The following TNRC18 variants were observed in gnomAD, a reference collection of about 807,000 sequenced individuals.
The protein encoded by TNRC18 is trinucleotide repeat-containing gene 18 protein.
TNRC18 carries 69 observed loss-of-function variants against 226.7 expected under a neutral mutation model. The observed-to-expected ratio is 0.30, with a 90% CI of 0.25 to 0.37. The LOEUF (loss-of-function observed/expected upper bound fraction) is 0.37. Among genes scored for constraint, TNRC18 ranks in the 10% least tolerant of loss-of-function variants. TNRC18 has a pLI of 1.00. For synonymous variants in TNRC18, 2,449 were observed against 1,927.6 expected (o/e 1.27, Z -7.09); for missense variants, 4,754 against 4,256.6 (o/e 1.12, Z -3.25).
intron 18 of TNRC18, among the ~76,000 whole-genome samples, chr7:5,336,010 C>A (rs192187818): frequency 4.6e-5 from 7 of 151,832 alleles, no homozygotes; most frequent in South Asian, 2.1e-4. Flanking sequence ...AGTTTGAGAC[C>A]AGCCTGGCCA....
In TNRC18 at chr7:5,377,968, G is replaced by C. The variant is rs777433977; in HGVS notation, c.2209C>G (p.Arg737Gly). The C allele has an allele frequency of 8.7e-6, 14 of 1,613,206 alleles. No homozygotes were observed. The South Asian group carries it at 1.5e-4, about 18-fold the overall frequency. The change falls in exon 6 of 30, where the codon CGG (arginine) becomes GGG (glycine). Residue 737 changes from arginine to glycine, a missense_variant. Physicochemically the swap from Arg to Gly is moderately radical, Grantham distance 125. Transcript: ENST00000430969. This position sits in a 1 kb window ranked among gnomAD's most constrained non-coding sequence, Gnocchi z 5.8. ...VDDRARHREE[R>G]LLGARLDRDQ... The stretch of plus-strand genomic sequence containing the variant: ...CGGTCCAGCCGTGCCCCGAGCAGCC[G>C]TTCCTCCCGGTGTCTGGCCCGGTCG...
At chr7:5,397,488 G>C (rs968499453) in intron 2 of TNRC18, among the ~76,000 whole-genome samples, 1 of 152,150 alleles carries the variant, frequency 6.6e-6, no homozygotes, top group African/African-American at 2.4e-5. Flanking sequence ...GGGCAGCCGG[G>C]AACCCCCAGC....
chr7:5,418,642 G>A (rs747218631), intron 2 of TNRC18, among the ~76,000 whole-genome samples: 5 of 152,214 alleles, frequency 3.3e-5, no homozygotes, highest in Admixed American at 6.5e-5. Flanking sequence ...AGGACTTCCC[G>A]GTACAAAAAT....
chr7:5,398,449 C>T (rs1007463877), intron 2 of TNRC18, among the ~76,000 whole-genome samples: 2 of 152,156 alleles, frequency 1.3e-5, no homozygotes, highest in Non-Finnish European at 2.9e-5. Context: ...GGATTACAGG[C>T]GTGAGCCACC....
intron 27 of TNRC18, among the ~76,000 whole-genome samples, chr7:5,310,822 C>T (rs1454794705): frequency 6.6e-6 from 1 of 152,262 alleles, no homozygotes; most frequent in East Asian, 1.9e-4. Context: ...GGCTCCCTGC[C>T]AGCCTGTCTG....
In TNRC18 at chr7:5,389,114, C is replaced by A. The variant is rs552392887; in HGVS notation, c.710G>T (p.Gly237Val). Reference sequence around the variant, plus strand: ...CGCCTCCTGGGTCAGGTCCACCACGCCCCGTGGCCCCGAGGCCTCCTCGCC... The same window carrying A: ...CGCCTCCTGGGTCAGGTCCACCACGACCCGTGGCCCCGAGGCCTCCTCGCC... ...ARGEEASGPR[G>V]VVDLTQEARA... Residue 237 changes from glycine (G) to valine (V), a missense_variant, in exon 5 of 30, where the codon GGC (glycine) becomes GTC (valine). By Grantham distance (109) the Gly-to-Val change is moderately radical. Transcript: ENST00000430969. The A allele has an allele frequency of 2.1e-5, 28 of 1,316,938 alleles. No individual in the cohort carries two copies. In the Admixed American group the frequency reaches 5.8e-4, roughly 27 times the overall value. 81.6% of individuals were successfully genotyped at this position (1,316,938 alleles called of 1,614,324 possible).
At position 5,421,131 on chromosome 7, in the gene TNRC18, G is replaced by A; in HGVS notation, c.116C>T (p.Pro39Leu). The part of the protein sequence containing the change: ...RVGAATAGRL[P>L]ASGLPGPLPP... ...CAGCGGGCCGGGCAAGCCCGAGGCG[G>A]GCAAGCGTCCGGCAGTGGCCGCGCC... is the stretch of plus-strand genomic sequence containing the variant. Residue 39 changes from proline to leucine, a missense_variant, in exon 2 of 30, where the codon CCC (proline) becomes CTC (leucine). By Grantham distance (98) the Pro-to-Leu change is moderately conservative. Coordinates refer to ENST00000430969, the MANE Select transcript of TNRC18 (RefSeq NM_001080495.3). 2 of 1,453,804 alleles carry A rather than the reference G, an allele frequency of 1.4e-6. No individual in the cohort carries two copies. Among genetic ancestry groups the A allele is most frequent in the Non-Finnish European group, 1.8e-6 (2 of 1,097,044 alleles). The allele number at this position is 1,453,804 out of a possible 1,614,324, so 90.1% of individuals were successfully genotyped here.
At chr7:5,422,876 C>A (rs1210825309) in intron 1 of TNRC18, 1 of 152,246 alleles carries the variant, frequency 6.6e-6, no homozygotes, top group Non-Finnish European at 1.5e-5. Flanking sequence ...AGGCGATGAG[C>A]TTCCCGTGAT....
chr7:5,358,402 C>T (rs1162061282), intron 15 of TNRC18, among the ~76,000 whole-genome samples: 1 of 152,182 alleles, frequency 6.6e-6, no homozygotes, highest in African/African-American at 2.4e-5. Context: ...TCAATTAAAA[C>T]AAAAGCATCC....
chr7:5,329,148 C>G (rs1414854201), intron 19 of TNRC18, among the ~76,000 whole-genome samples: 1 of 151,062 alleles, frequency 6.6e-6, no homozygotes, highest in South Asian at 2.1e-4. Context: ...ACTAAAAATA[C>G]AAAAGTGAGC....
At chr7:5,325,286 C>T (rs1456110897) in intron 19 of TNRC18, 38 bp from the exon 20 acceptor site, 1 of 1,539,194 alleles carries the variant, frequency 6.5e-7, no homozygotes, top group Non-Finnish European at 8.7e-7. Context: ...CATCAAACGG[C>T]AGGGAAAGCA....
At chr7:5,316,209 G>A (rs1438773996) in intron 24 of TNRC18, 137 bp from the exon 25 acceptor site, 6 of 551,828 alleles carry the variant, frequency 1.1e-5, no homozygotes, top group Non-Finnish European at 1.5e-5. Context: ...TGGGTGGAGG[G>A]TATACAGCGG....
In TNRC18 at chr7:5,320,408, C is replaced by T; in HGVS notation, c.6655G>A (p.Ala2219Thr). The T allele has an allele frequency of 6.4e-7, 1 of 1,562,196 alleles. No homozygotes were observed. The highest frequency in any genetic ancestry group is 8.7e-7 in the Non-Finnish European group (1 of 1,153,106). Residue 2219 changes from alanine to threonine, a missense_variant, in exon 24 of 30, where the codon GCC (alanine) becomes ACC (threonine). Coordinates refer to ENST00000430969, the MANE Select transcript of TNRC18 (RefSeq NM_001080495.3). ...LQEAIIDVRP[A>T]STRFLPQGTR... ...CCTTGTGGCAAGAAGCGAGTGGAGG[C>T]TGGCCTCACATCGATGATCTAGAAG...
At chr7:5,366,604 G>A (rs1039769168) in intron 11 of TNRC18, among the ~76,000 whole-genome samples, 4 of 152,118 alleles carry the variant, frequency 2.6e-5, no homozygotes, top group Admixed American at 6.5e-5. Flanking sequence ...GATTCCAGGC[G>A]TGAGCCACCG....
At chr7:5,398,175 T>A (rs952100136) in intron 2 of TNRC18, among the ~76,000 whole-genome samples, 14 of 150,710 alleles carry the variant, frequency 9.3e-5, no homozygotes, top group Non-Finnish European at 1.8e-4. Flanking sequence ...AAAAAAAAAT[T>A]TTTTTTTTTT....
rs561594758 is a variant in TNRC18, at chr7:5,308,057, G to A, written c.*49C>T. 2.7e-6 allele frequency: 4 copies of A among 1,505,966 alleles called. No homozygotes were observed. The African/African-American group carries it at 4.2e-5, about 16-fold the overall frequency. The allele number at this position is 1,505,966 out of a possible 1,614,324, so 93.3% of individuals were successfully genotyped here. On this transcript the variant is annotated 3_prime_UTR_variant, in exon 30 of 30. Transcript: ENST00000430969. Reference sequence around the variant, plus strand: ...CCGCGCCATGGCAGTGATGGAGATGGGTCCCTGGCCGCCCTCGGGGCACAG... The same window carrying A: ...CCGCGCCATGGCAGTGATGGAGATGAGTCCCTGGCCGCCCTCGGGGCACAG...
At chr7:5,325,047 G>A (rs1422047290) in intron 20 of TNRC18, 49 bp downstream of exon 20, 1 of 1,542,874 alleles carries the variant, frequency 6.5e-7, no homozygotes, top group Non-Finnish European at 8.7e-7. Context: ...GACCACAGGA[G>A]CATGGCTGAG....
At chr7:5,342,643 T>C (rs1003629393) in intron 18 of TNRC18, among the ~76,000 whole-genome samples, 2 of 152,110 alleles carry the variant, frequency 1.3e-5, no homozygotes, top group African/African-American at 4.8e-5. Context: ...GCAAAGAAAG[T>C]GGTTTCTTGA....
intron 2 of TNRC18, among the ~76,000 whole-genome samples, chr7:5,396,297 G>A (rs990357914): frequency 7.2e-5 from 11 of 152,066 alleles, no homozygotes; most frequent in African/African-American, 2.7e-4. Flanking sequence ...GCAGTGAGCT[G>A]AGATCGTGCC....
Sources: gnomAD v4.1 joint callset for allele counts (sites outside exome capture counted in the v4.1 genomes callset) on GRCh38, gnomAD v4.1.1 for gene constraint, Gnocchi (gnomAD v3.1) non-coding constraint, MANE v1.5 for transcripts, NCBI Gene and HGNC (gene_info 2026-07-23, HGNC 2026-07-21) for gene names.